WDR27: variants seen among roughly 807,000 people sequenced by gnomAD.
WDR27 encodes WD repeat-containing protein 27.
In WDR27, 100 loss-of-function variants were observed where a neutral mutation model predicts 114.4. The ratio of observed to expected loss-of-function variants is 0.87; its 90% CI spans 0.74 to 1.03. The LOEUF (loss-of-function observed/expected upper bound fraction) is 1.03. Ranked by LOEUF, WDR27 falls within the 50% of genes least tolerant of loss-of-function variation. The probability of loss-of-function intolerance (pLI) is 0.00; values close to 1 mark genes in which losing one functional copy is unlikely to be tolerated. For synonymous variants in WDR27, 449 were observed against 423.1 expected (o/e 1.06, Z -0.75); for missense variants, 1,129 against 1,092.9 (o/e 1.03, Z -0.47).
intron 16 of WDR27, among the ~76,000 whole-genome samples, chr6:169,644,644 A>C (rs1820059992): frequency 6.6e-6 from 1 of 150,436 alleles, no homozygotes; most frequent in Non-Finnish European, 1.5e-5. Flanking sequence ...AGTTCACAGG[A>C]GTCACACTGT....
rs1232261022 is a variant in WDR27 at position 169,558,177 on chromosome 6, A to C, written c.2645+14242T>G. On this transcript the variant is annotated intron_variant, in intron 25 of 25. Transcript: ENST00000448612. ...AAGCAGCGATGGCTTCTGCACATAAAAACTCCTCACTGAAGTGATCTTGTG... is the reference window on the plus strand; with the variant it reads ...AAGCAGCGATGGCTTCTGCACATAACAACTCCTCACTGAAGTGATCTTGTG... The C allele has an allele frequency of 3.3e-5, 5 of 151,974 alleles. No homozygotes were observed. In the East Asian group the frequency reaches 7.7e-4, roughly 24 times the overall value. 9.4% of individuals were successfully genotyped at this position (151,974 alleles called of 1,614,324 possible).
downstream of WDR27, among the ~76,000 whole-genome samples, chr6:169,455,976 C>T (rs1340225581): frequency 2.6e-5 from 4 of 151,728 alleles, no homozygotes; most frequent in Admixed American, 6.5e-5. Context: ...TCACATTTGA[C>T]ATTGGAAAAA....
intron 10 of WDR27, among the ~76,000 whole-genome samples, 191 bp downstream of exon 10, chr6:169,660,472 G>A (rs1825759059): frequency 6.6e-6 from 1 of 152,154 alleles, no homozygotes; most frequent in Non-Finnish European, 1.5e-5. Context: ...GTGCCCGAGG[G>A]TCCGGGAAGG....
chr6:169,474,494 A>T (rs1480919807), intron 25 of WDR27, among the ~76,000 whole-genome samples: 1 of 152,248 alleles, frequency 6.6e-6, no homozygotes, highest in East Asian at 1.9e-4. Context: ...GTCATTGATG[A>T]TAAACATTTA....
At position 169,592,051 on chromosome 6, in the gene WDR27, T is replaced by C. The variant is rs570918046; in HGVS notation, c.2425-9117A>G. Among the ~76,000 whole-genome samples, 3 of 152,160 alleles carry C rather than the reference T, an allele frequency of 2.0e-5. No individual in the cohort carries two copies. The East Asian group carries it at 5.8e-4, about 29-fold the overall frequency. On this transcript the variant is annotated intron_variant, in intron 23 of 25. Transcript: ENST00000448612. ...ACCTTCCGTGGCAGGAGCTAAGAAA[T>C]ACTGGTATTCGTGCACCAGTTGCAC...
chr6:169,445,477 A>C, the WDR27 span, among the ~76,000 whole-genome samples: 1 of 152,262 alleles, frequency 6.6e-6, no homozygotes, highest in Non-Finnish European at 1.5e-5. Context: ...GCTGTAAAAC[A>C]GAATTAATTG....
Position 169,665,528 on chromosome 6 carries a change from A to G in WDR27, c.741T>C (p.Asp247=), listed in dbSNP as rs764666249. 1.2e-6 allele frequency: 2 copies of G among 1,613,868 alleles called. No individual in the cohort carries two copies. The highest frequency in any genetic ancestry group is 1.1e-5 in the South Asian group (1 of 91,070). The change falls in exon 7 of 26, where the codon GAT becomes GAC. Residue 247 remains aspartate, a synonymous_variant. Transcript: ENST00000448612. The part of the protein sequence containing the change: ...SAYPLLSLFI[D]AESRQLVTGC... ...CGGTGACCAGCTGCCTGCTTTCTGCATCAATGAATAAACTGAGAAGAGGAT... is the reference window on the plus strand; with the variant it reads ...CGGTGACCAGCTGCCTGCTTTCTGCGTCAATGAATAAACTGAGAAGAGGAT...
intron 2 of WDR27, among the ~76,000 whole-genome samples, chr6:169,681,513 C>T (rs559779382): frequency 3.3e-5 from 5 of 152,366 alleles, no homozygotes; most frequent in African/African-American, 1.2e-4. Flanking sequence ...CCAGAAATGG[C>T]CCAGTCCTCC....
At chr6:169,666,340 G>C in intron 6 of WDR27, 1 of 946,634 alleles carries the variant, frequency 1.1e-6, no homozygotes, top group African/African-American at 1.8e-5. Context: ...TTAAATCTTT[G>C]AGAAGATATA....
chr6:169,482,161 G>A (rs146964208), intron 25 of WDR27, among the ~76,000 whole-genome samples: 2,499 of 152,252 alleles, frequency 0.016, 68 homozygotes, highest in African/African-American at 0.057. Context: ...GTATTCTATG[G>A]TGTATATGTA....
At chr6:169,667,227 GTTGCCATTA>G (rs1828090163) in intron 5 of WDR27, 40 bp from the exon 6 acceptor site, 1 of 1,452,110 alleles carries the variant, frequency 6.9e-7, no homozygotes, top group Non-Finnish European at 9.1e-7. Context: ...AGGTAACAAC[GTTGCCATTA>G]TTGCAACAGG....
rs1045415655 is a variant in WDR27 at position 169,701,577 on chromosome 6, A to G, written c.-34T>C. Reference sequence around the variant, plus strand: ...TGAGCCCTTTTCCTCCGAACTCCACATGCGCTCAGTTCTCAAAGCGCCGAT... The same window carrying G: ...TGAGCCCTTTTCCTCCGAACTCCACGTGCGCTCAGTTCTCAAAGCGCCGAT... On this transcript the variant is annotated 5_prime_UTR_variant, in exon 1 of 26. It removes an upstream start codon present in the reference 5' UTR. Transcript: ENST00000448612. 2 of 163,938 alleles carry G rather than the reference A, an allele frequency of 1.2e-5. No homozygotes were observed. Among genetic ancestry groups the G allele is most frequent in the Non-Finnish European group, 2.7e-5 (2 of 75,190 alleles). The allele number at this position is 163,938 out of a possible 1,614,324, so 10.2% of individuals were successfully genotyped here.
intron 21 of WDR27, among the ~76,000 whole-genome samples, chr6:169,629,337 G>C (rs1326275828): frequency 6.6e-6 from 1 of 152,002 alleles, no homozygotes; most frequent in African/African-American, 2.4e-5. Flanking sequence ...AAAAATCTCA[G>C]CCTAAGCTCT....
At chr6:169,598,799 A>C (rs1807348855) in intron 23 of WDR27, among the ~76,000 whole-genome samples, 1 of 152,204 alleles carries the variant, frequency 6.6e-6, no homozygotes, top group African/African-American at 2.4e-5. Context: ...CTTTCATCTC[A>C]GACTTCTGGC....
intron 25 of WDR27, among the ~76,000 whole-genome samples, chr6:169,500,459 C>T (rs1423984787): frequency 6.6e-6 from 1 of 152,120 alleles, no homozygotes; most frequent in Non-Finnish European, 1.5e-5. Context: ...CAAGGAGAGT[C>T]ACCCATCTTC....
At chr6:169,700,921 G>A (rs1338765264) in intron 1 of WDR27, among the ~76,000 whole-genome samples, 2 of 152,196 alleles carry the variant, frequency 1.3e-5, no homozygotes. Context: ...CACAGAACAA[G>A]TCAGGGAAAA....
intron 24 of WDR27, among the ~76,000 whole-genome samples, chr6:169,579,200 A>C (rs1002170898): frequency 6.6e-6 from 1 of 152,194 alleles, no homozygotes; most frequent in Non-Finnish European, 1.5e-5. Context: ...CATTTTATCA[A>C]GAAAAACTTG....
intron 16 of WDR27, among the ~76,000 whole-genome samples, chr6:169,645,412 C>T (rs1460073267): frequency 6.6e-6 from 1 of 151,694 alleles, no homozygotes; most frequent in African/African-American, 2.4e-5. Context: ...AAGCCTAGTT[C>T]ACAGGAGTCA....
At position 169,516,962 on chromosome 6, in the gene WDR27, A is replaced by C. The variant is rs187258322; in HGVS notation, c.2645+55457T>G. Reference sequence around the variant, plus strand: ...TTGAGAAGTCATGACTGTATTTTGCAATGTGAGAAGGACCTGAGATTTGAG... The same window carrying C: ...TTGAGAAGTCATGACTGTATTTTGCCATGTGAGAAGGACCTGAGATTTGAG... On this transcript the variant is annotated intron_variant, in intron 25 of 25. Transcript: ENST00000448612. Among the ~76,000 whole-genome samples the C allele has an allele frequency of 2.0e-4, 30 of 152,182 alleles. No individual in the cohort carries two copies. The East Asian group carries it at 5.4e-3, about 27-fold the overall frequency.
Sources: allele counts gnomAD v4.1 joint callset (sites outside exome capture counted in the v4.1 genomes callset), GRCh38; gene constraint gnomAD v4.1.1; transcripts MANE v1.5; gene names NCBI Gene and HGNC (gene_info 2026-07-23, HGNC 2026-07-21).